Variants in MTHFD1L observed in about 807,000 individuals in gnomAD.
MTHFD1L encodes methylenetetrahydrofolate dehydrogenase (NADP+ dependent) 1 like, also known as monofunctional C1-tetrahydrofolate synthase, mitochondrial.
Under a neutral mutation model 119.5 loss-of-function variants are expected in MTHFD1L, and 81 were observed. The ratio of observed to expected loss-of-function variants is 0.68; its 90% CI spans 0.57 to 0.82. The LOEUF is 0.82. MTHFD1L is among the 40% of genes least tolerant of loss of function. The probability of loss-of-function intolerance (pLI) is 0.00; values close to 1 mark genes in which losing one functional copy is unlikely to be tolerated. For missense variants in MTHFD1L, 1,125 were observed against 1,253.4 expected, an observed-to-expected ratio of 0.90 and a Z score of 1.55; for synonymous variants, 430 against 475.2, an observed-to-expected ratio of 0.90 and a Z score of 1.24.
chr6:150,887,197 A>G (rs1403241817), intron 6 of MTHFD1L, among the ~76,000 whole-genome samples: 5 of 152,172 alleles, frequency 3.3e-5, no homozygotes, highest in Non-Finnish European at 7.4e-5. Context: ...ATTAAGCTCA[A>G]ATCTATGAAA....
At chr6:150,954,454 G>A (rs147401532) in intron 16 of MTHFD1L, among the ~76,000 whole-genome samples, 28 of 152,258 alleles carry the variant, frequency 1.8e-4, no homozygotes, top group African/African-American at 5.8e-4. Context: ...TTGGGAGGCC[G>A]AGGCAGGTGG....
chr6:150,965,575 C>T (rs929283605), intron 19 of MTHFD1L, among the ~76,000 whole-genome samples: 4 of 151,664 alleles, frequency 2.6e-5, no homozygotes, highest in Non-Finnish European at 4.4e-5. Flanking sequence ...GCAGGAGAAT[C>T]GCTTGAACCC....
chr6:150,932,773 C>CA (rs1355020936), intron 11 of MTHFD1L, among the ~76,000 whole-genome samples: 24 of 93,534 alleles, frequency 2.6e-4, no homozygotes, highest in South Asian at 7.0e-4. Context: ...CATGTGTCTC[C>CA]AAAAAAAAAA....
chr6:150,950,393 C>T (rs1794675762), intron 16 of MTHFD1L, among the ~76,000 whole-genome samples: 1 of 152,232 alleles, frequency 6.6e-6, no homozygotes, highest in South Asian at 2.1e-4. Flanking sequence ...TCTGGGAATC[C>T]ACCCAGCCAG....
rs1446293645 is a variant in MTHFD1L, at chr6:150,905,677, G to C, written c.808G>C (p.Gly270Arg). Reference protein sequence around the residue: ...KLHEADIVVLGSPKPEEIPLT... With the variant: ...KLHEADIVVLRSPKPEEIPLT... ...TCACGAGGCTGACATTGTGGTCCTA[G>C]GCTCACCTAAGCCAGAAGAGATTCC... The change falls in exon 8 of 28, where the codon GGC becomes CGC. Residue 270 changes from glycine to arginine, a missense_variant. Transcript: ENST00000367321. 2.5e-6 allele frequency: 4 copies of C among 1,614,012 alleles called. No individual in the cohort carries two copies. The highest frequency in any genetic ancestry group is 3.4e-6 in the Non-Finnish European group (4 of 1,179,974).
At chr6:150,999,450 A>G (rs1297882849) in intron 20 of MTHFD1L, among the ~76,000 whole-genome samples, 1 of 152,206 alleles carries the variant, frequency 6.6e-6, no homozygotes, top group East Asian at 1.9e-4. Context: ...GGATTGGGGA[A>G]CACCACTGTT....
chr6:150,983,772 C>A (rs964719753), intron 20 of MTHFD1L, among the ~76,000 whole-genome samples: 3 of 152,088 alleles, frequency 2.0e-5, no homozygotes, highest in African/African-American at 7.2e-5. Context: ...TAATTTTCTT[C>A]TTTTCGTTTT....
At chr6:151,027,419 G>A (rs1001802297) in intron 24 of MTHFD1L, among the ~76,000 whole-genome samples, 3 of 152,114 alleles carry the variant, frequency 2.0e-5, no homozygotes, top group Non-Finnish European at 4.4e-5. Flanking sequence ...AGATGCCTTT[G>A]GGATCCTACT....
At chr6:151,099,827 A>T in intron 27 of MTHFD1L, 1 of 1,602,294 alleles carries the variant, frequency 6.2e-7, no homozygotes. Context: ...GAGATCGCTC[A>T]CAATGTTTCC....
intron 1 of MTHFD1L, among the ~76,000 whole-genome samples, chr6:150,866,815 T>G (rs2128708038): frequency 6.6e-6 from 1 of 152,238 alleles, no homozygotes; most frequent in South Asian, 2.1e-4. Flanking sequence ...TCCCCGCCCC[T>G]GGGCTCCAGC....
intron 26 of MTHFD1L, among the ~76,000 whole-genome samples, chr6:151,043,410 A>G (rs1787450473): frequency 6.6e-6 from 1 of 151,654 alleles, no homozygotes; most frequent in African/African-American, 2.4e-5. Flanking sequence ...GACTACAGGT[A>G]TATGCCACCA....
intron 15 of MTHFD1L, among the ~76,000 whole-genome samples, chr6:150,946,718 C>T (rs1056256691): frequency 1.1e-4 from 16 of 152,098 alleles, no homozygotes; most frequent in African/African-American, 2.9e-4. Context: ...GTGAGTAATT[C>T]CATCCTCGGC....
intron 23 of MTHFD1L, 54 bp from the exon 24 acceptor site, chr6:151,015,462 G>A: frequency 6.5e-7 from 1 of 1,547,610 alleles, no homozygotes; most frequent in Non-Finnish European, 8.7e-7. Context: ...GTCTTTCTTT[G>A]AAAACATAGC....
intron 7 of MTHFD1L, among the ~76,000 whole-genome samples, chr6:150,903,207 T>C (rs397887608): frequency 0.24 from 21,951 of 92,044 alleles, 3,385 homozygotes; most frequent in East Asian, 0.47. Flanking sequence ...TGCAAAATTT[T>C]TTTTTTTTTT....
chr6:151,037,727 A>C (rs1786400483), intron 26 of MTHFD1L, among the ~76,000 whole-genome samples: 1 of 152,234 alleles, frequency 6.6e-6, no homozygotes, highest in South Asian at 2.1e-4. Context: ...AGCTTATCAA[A>C]GTGCTTAAAA....
intron 26 of MTHFD1L, among the ~76,000 whole-genome samples, chr6:151,084,342 T>C (rs1584430008): frequency 6.6e-6 from 1 of 152,128 alleles, no homozygotes; most frequent in Non-Finnish European, 1.5e-5. Context: ...GCTGCAGGAC[T>C]CAGCCAAGCC....
At position 150,949,757 on chromosome 6, in the gene MTHFD1L, G is replaced by T. The variant is rs564883770; in HGVS notation, c.1726+624G>T. On this transcript the variant is annotated intron_variant, in intron 16 of 27. Coordinates refer to ENST00000367321, the MANE Select transcript of MTHFD1L (RefSeq NM_015440.5). Reference sequence around the variant, plus strand: ...TGCCCTCAGTCTCATCGCTCACTATGGGATGAGACAGAGGGAAATGCACTA... The same window carrying T: ...TGCCCTCAGTCTCATCGCTCACTATTGGATGAGACAGAGGGAAATGCACTA... Among the ~76,000 whole-genome samples, 5 of 152,258 alleles carry T rather than the reference G, an allele frequency of 3.3e-5. No homozygotes were observed. In the South Asian group the frequency reaches 1.0e-3, roughly 32 times the overall value.
chr6:150,945,368 C>A (rs803445), intron 14 of MTHFD1L, 99 bp from the exon 15 acceptor site: 1 of 868,066 alleles, frequency 1.2e-6, no homozygotes, highest in Admixed American at 2.5e-5. Flanking sequence ...CTAAATAGTT[C>A]GGTTATAAAT....
chr6:151,027,119 G>A (rs1025003404), intron 24 of MTHFD1L, among the ~76,000 whole-genome samples: 1 of 151,826 alleles, frequency 6.6e-6, no homozygotes, highest in Non-Finnish European at 1.5e-5. Context: ...GTGAGCCACC[G>A]CACCAGGCCT....
Sources: gnomAD v4.1 joint callset for allele counts (sites outside exome capture counted in the v4.1 genomes callset) on GRCh38, gnomAD v4.1.1 for gene constraint, MANE v1.5 for transcripts, NCBI Gene and HGNC (gene_info 2026-07-23, HGNC 2026-07-21) for gene names.